RPS6KC1: variants seen among roughly 807,000 people sequenced by gnomAD.
RPS6KC1 encodes the protein inactive ribosomal protein S6 kinase delta-1.
Under a neutral mutation model 103.8 loss-of-function variants are expected in RPS6KC1, and 54 were observed. The observed-to-expected ratio is 0.52, with a 90% CI of 0.42 to 0.65. The LOEUF is 0.65. RPS6KC1 is among the 30% of genes least tolerant of loss of function. RPS6KC1 has a pLI of 0.00. For missense variants in RPS6KC1, 1,151 were observed against 1,253.8 expected (o/e 0.92, Z 1.24); for synonymous variants, 439 against 438.7 (o/e 1.00, Z -0.01).
At chr1:213,413,907 G>GGAGA in the RPS6KC1 span, among the ~76,000 whole-genome samples, 2 of 152,200 alleles carry the variant, frequency 1.3e-5, no homozygotes, top group Non-Finnish European at 2.9e-5. Context: ...GCATAGCTCA[G>GGAGA]TGAGATACTT....
At chr1:213,365,187 A>G in the RPS6KC1 span, among the ~76,000 whole-genome samples, 5,175 of 152,356 alleles carry the variant, frequency 0.034, 140 homozygotes, top group African/African-American at 0.064. Context: ...GACGGTATGC[A>G]TTGTGTAATC....
chr1:213,193,708 T>C (rs1318948131), intron 8 of RPS6KC1, among the ~76,000 whole-genome samples: 1 of 152,174 alleles, frequency 6.6e-6, no homozygotes, highest in East Asian at 1.9e-4. Flanking sequence ...AGATCTCGGC[T>C]TACTGCAACC....
the RPS6KC1 span, among the ~76,000 whole-genome samples, chr1:213,669,580 T>C: frequency 6.6e-6 from 1 of 152,132 alleles, no homozygotes; most frequent in Admixed American, 6.5e-5. Context: ...GAGCACACGA[T>C]GTTGAAAAAT....
At chr1:213,152,185 A>AT (rs2089173647) in intron 6 of RPS6KC1, among the ~76,000 whole-genome samples, 1 of 97,458 alleles carries the variant, frequency 1.0e-5, no homozygotes, top group Non-Finnish European at 2.1e-5. Context: ...CGGGGGGCTG[A>AT]CCCCCCACCT....
At chr1:213,107,189 G>T (rs191270413) in intron 4 of RPS6KC1, among the ~76,000 whole-genome samples, 180 of 152,186 alleles carry the variant, frequency 1.2e-3, no homozygotes, top group African/African-American at 3.2e-3. Context: ...TGATCCGCCT[G>T]CTTCAGCCTC....
chr1:213,804,555 C>T, the RPS6KC1 span, among the ~76,000 whole-genome samples: 1 of 152,182 alleles, frequency 6.6e-6, no homozygotes, highest in South Asian at 2.1e-4. Flanking sequence ...CTGCCATCTC[C>T]CCTGGGCATC....
chr1:213,059,474 C>T (rs902187031), intron 1 of RPS6KC1, among the ~76,000 whole-genome samples: 6 of 151,982 alleles, frequency 3.9e-5, no homozygotes, highest in South Asian at 4.1e-4. Context: ...ATAATTTTCA[C>T]GGTAGAGTTT....
At chr1:213,370,671 T>G in the RPS6KC1 span, among the ~76,000 whole-genome samples, 12 of 152,216 alleles carry the variant, frequency 7.9e-5, no homozygotes, top group Non-Finnish European at 1.5e-4. Context: ...ATTCAATAGA[T>G]GAGCAAACTG....
At chr1:213,727,188 GC>G in the RPS6KC1 span, among the ~76,000 whole-genome samples, 1 of 152,160 alleles carries the variant, frequency 6.6e-6, no homozygotes, top group Non-Finnish European at 1.5e-5. Flanking sequence ...ATCACAGAAG[GC>G]CAGTCTGAGA....
At chr1:213,271,493 C>T (rs1178221548) in intron 14 of RPS6KC1, among the ~76,000 whole-genome samples, 3 of 152,032 alleles carry the variant, frequency 2.0e-5, no homozygotes, top group African/African-American at 4.8e-5. Flanking sequence ...AGGCCGGGTG[C>T]GGTGGCTCAC....
At chr1:213,071,824 T>C (rs1254659488) in intron 2 of RPS6KC1, among the ~76,000 whole-genome samples, 1 of 149,652 alleles carries the variant, frequency 6.7e-6, no homozygotes. Context: ...TTTTAAACTT[T>C]AAGTTAGTAA....
At chr1:213,503,255 G>A in the RPS6KC1 span, among the ~76,000 whole-genome samples, 4 of 152,058 alleles carry the variant, frequency 2.6e-5, no homozygotes, top group African/African-American at 9.7e-5. Context: ...TTCTTTTCAT[G>A]TTTCCTCAAT....
At chr1:213,223,120 G>A (rs2093875429) in intron 8 of RPS6KC1, among the ~76,000 whole-genome samples, 2 of 152,284 alleles carry the variant, frequency 1.3e-5, no homozygotes, top group South Asian at 4.1e-4. Context: ...TTACACAGTT[G>A]ATATCTCATC....
At chr1:213,448,156 C>G in the RPS6KC1 span, among the ~76,000 whole-genome samples, 2 of 148,342 alleles carry the variant, frequency 1.3e-5, no homozygotes, top group African/African-American at 5.0e-5. Flanking sequence ...GAGGATTGCT[C>G]CAGCCCAGAG....
rs763561080 is a variant in RPS6KC1 at position 213,262,738 on chromosome 1, T to C, written c.3012T>C (p.His1004=). The change falls in exon 14 of 15, where the codon CAT becomes CAC. Residue 1004 remains histidine, a synonymous_variant. Transcript: ENST00000366960. ...TGTTTCAGACTCTGGTTGAATGCCA[T>C]CCAGCAGGAATAAATACTCACACTA... ...LLTGKTLVEC[H]PAGINTHTTL... 4.3e-6 allele frequency: 7 copies of C among 1,609,338 alleles called. No homozygotes were observed. The African/African-American group carries it at 6.7e-5, about 15-fold the overall frequency.
At chr1:213,295,252 T>C in the RPS6KC1 span, among the ~76,000 whole-genome samples, 22 of 152,332 alleles carry the variant, frequency 1.4e-4, no homozygotes, top group Non-Finnish European at 2.6e-4. Context: ...TGTTACCTGA[T>C]AATGTTTCCT....
intron 1 of RPS6KC1, among the ~76,000 whole-genome samples, chr1:213,068,025 A>T (rs1442829738): frequency 6.6e-6 from 1 of 152,224 alleles, no homozygotes; most frequent in East Asian, 1.9e-4. Context: ...AAGATATCTG[A>T]ATATATTTAT....
chr1:213,391,317 G>T, the RPS6KC1 span, among the ~76,000 whole-genome samples: 1 of 152,238 alleles, frequency 6.6e-6, no homozygotes, highest in Non-Finnish European at 1.5e-5. Flanking sequence ...CATGGCTCTT[G>T]GGGGAGGTTG....
At chr1:213,189,958 A>G (rs1285467244) in intron 8 of RPS6KC1, among the ~76,000 whole-genome samples, 3 of 152,170 alleles carry the variant, frequency 2.0e-5, no homozygotes, top group Non-Finnish European at 4.4e-5. Flanking sequence ...CTCAGCTTCT[A>G]TCCATGTTGT....
Sources: gnomAD v4.1 joint callset for allele counts (sites outside exome capture counted in the v4.1 genomes callset) on GRCh38, gnomAD v4.1.1 for gene constraint, MANE v1.5 for transcripts, NCBI Gene and HGNC (gene_info 2026-07-23, HGNC 2026-07-21) for gene names.